PRKD2: variants seen among roughly 807,000 people sequenced by gnomAD.
The protein encoded by PRKD2 is protein kinase D2, also known as serine/threonine-protein kinase D2.
Under a neutral mutation model 86.0 loss-of-function variants are expected in PRKD2, and 22 were observed. The observed-to-expected ratio is 0.26, with a 90% CI of 0.18 to 0.37. PRKD2 has a LOEUF of 0.37. Among genes scored for constraint, PRKD2 ranks in the 10% least tolerant of loss-of-function variants. The pLI is 1.00. For missense variants in PRKD2, 818 were observed against 1,199.2 expected, an observed-to-expected ratio of 0.68 and a Z score of 4.70; for synonymous variants, 509 against 510.9, an observed-to-expected ratio of 1.00 and a Z score of 0.05.
chr19:46,692,081 G>T, intron 10 of PRKD2, 96 bp from the exon 11 acceptor site: 1 of 1,227,264 alleles, frequency 8.1e-7, no homozygotes, highest in Non-Finnish European at 1.2e-6. Flanking sequence ...AGGCCACCCA[G>T]ATTTGAATCC....
intron 14 of PRKD2, among the ~76,000 whole-genome samples, chr19:46,685,037 G>T (rs560261133): frequency 6.6e-5 from 10 of 151,860 alleles, no homozygotes; most frequent in African/African-American, 2.4e-4. Flanking sequence ...GAGGCGGGTG[G>T]ATCACGAGGT....
rs1425413289 is a variant in PRKD2 at position 46,685,231 on chromosome 19, C to A, written c.1972-3483G>T. ...CTGAGACTGTACTATTGCACTCCAG[C>A]CTGGGTGACAGAGTGAGACTTCGTC... On this transcript the variant is annotated intron_variant, in intron 14 of 17. Transcript: ENST00000291281. 2.0e-5 allele frequency among the ~76,000 whole-genome samples: 3 copies of A among 148,614 alleles called. No individual in the cohort carries two copies. The Admixed American group carries it at 2.0e-4, about 10-fold the overall frequency.
At chr19:46,704,925 C>CT (rs1308443381) in intron 3 of PRKD2, among the ~76,000 whole-genome samples, 2 of 150,256 alleles carry the variant, frequency 1.3e-5, no homozygotes, top group African/African-American at 4.9e-5. Flanking sequence ...TTTCTCACTC[C>CT]AACAAGGGAC....
In PRKD2 at chr19:46,694,097, C is replaced by T. The variant is rs536434220; in HGVS notation, c.1354G>A (p.Ala452Thr). Residue 452 changes from alanine to threonine, a missense_variant, in exon 10 of 18, where the codon GCC (alanine) becomes ACC (threonine). This residue lies in a region of PRKD2 where 127 missense variants were observed against 157.8 expected (regional missense o/e 0.80). Transcript: ENST00000291281. ...PLSEILTVES[A>T]QNFSLVPPGT... ...GGCGGCACAAGGCTGAAGTTCTGGG[C>T]GGACTCCACCGTGAGGATTTCTGAC... is the stretch of plus-strand genomic sequence containing the variant. 29 of 1,614,138 alleles carry T rather than the reference C, an allele frequency of 1.8e-5. No homozygotes were observed. The South Asian group carries it at 2.1e-4, about 12-fold the overall frequency.
intron 7 of PRKD2, among the ~76,000 whole-genome samples, chr19:46,699,431 G>A (rs559421852): frequency 6.6e-6 from 1 of 152,338 alleles, no homozygotes; most frequent in Admixed American, 6.5e-5. Context: ...CTGTGTGCTT[G>A]AACACAGCAG....
At position 46,697,718 on chromosome 19, in the gene PRKD2, G is replaced by A; in HGVS notation, c.1239+15C>T. The A allele has an allele frequency of 1.2e-6, 2 of 1,601,698 alleles. No homozygotes were observed. Among genetic ancestry groups the A allele is most frequent in the Non-Finnish European group, 1.7e-6 (2 of 1,170,490 alleles). Reference sequence around the variant, plus strand: ...CCTTCGCTCCGCCGTACCCGGCCCCGCCCCGGCCACTCACCAGCGTGTCCT... The same window carrying A: ...CCTTCGCTCCGCCGTACCCGGCCCCACCCCGGCCACTCACCAGCGTGTCCT... On this transcript the variant is annotated intron_variant, in intron 8 of 17. Coordinates refer to ENST00000291281, the MANE Select transcript of PRKD2 (RefSeq NM_016457.5).
At position 46,693,847 on chromosome 19, in the gene PRKD2, C is replaced by T. The variant is rs2053516218; in HGVS notation, c.1576+28G>A. On this transcript the variant is annotated intron_variant, in intron 10 of 17. Coordinates refer to ENST00000291281, the MANE Select transcript of PRKD2 (RefSeq NM_016457.5). The surrounding 1 kb of genome is among the most constrained non-coding windows in gnomAD (Gnocchi z 4.5). Reference sequence around the variant, plus strand: ...TGCCCCACCCATCTAGATCTATTCTCTCAAGGACCCGAGGTGGGAGGACTT... The same window carrying T: ...TGCCCCACCCATCTAGATCTATTCTTTCAAGGACCCGAGGTGGGAGGACTT... 6.4e-7 allele frequency: 1 copy of T among 1,568,450 alleles called. No homozygotes were observed. Among genetic ancestry groups the T allele is most frequent in the South Asian group, 1.2e-5 (1 of 86,346 alleles).
chr19:46,706,382 G>A (rs1471088416), intron 3 of PRKD2, among the ~76,000 whole-genome samples: 1 of 152,150 alleles, frequency 6.6e-6, no homozygotes, highest in Non-Finnish European at 1.5e-5. Flanking sequence ...CTCATTGTAG[G>A]CACTGTCTTG....
intron 14 of PRKD2, among the ~76,000 whole-genome samples, chr19:46,684,488 A>G (rs1236735411): frequency 2.0e-5 from 3 of 151,832 alleles, no homozygotes; most frequent in Non-Finnish European, 2.9e-5. Context: ...CACCTGGCTA[A>G]TTTTTGTATT....
Position 46,697,840 on chromosome 19 carries a change from A to G in PRKD2, c.1132T>C (p.Tyr378His), listed in dbSNP as rs745430394. ...TGCACCACCCTCATTAGGGGGATGTACCCCAGGGAGCTGCGAAGGAAGAGG... is the reference window on the plus strand; with the variant it reads ...TGCACCACCCTCATTAGGGGGATGTGCCCCAGGGAGCTGCGAAGGAAGAGG... ...EGGKAQSSLG[Y>H]IPLMRVVQSV... Residue 378 changes from tyrosine to histidine, a missense_variant, in exon 8 of 18, where the codon TAC becomes CAC. By Grantham distance (83) the Tyr-to-His change is moderately conservative (BLOSUM62 2). Around this residue, in one of 5 missense-constraint regions of PRKD2, gnomAD observed 403 missense variants for 518.6 expected, o/e 0.78. Coordinates refer to ENST00000291281, the MANE Select transcript of PRKD2 (RefSeq NM_016457.5). 2 of 1,613,316 alleles carry G rather than the reference A, an allele frequency of 1.2e-6. No individual in the cohort carries two copies. Among genetic ancestry groups the G allele is most frequent in the Admixed American group, 3.3e-5 (2 of 59,986 alleles).
intron 3 of PRKD2, among the ~76,000 whole-genome samples, chr19:46,705,317 T>C (rs2053698561): frequency 6.6e-6 from 1 of 152,018 alleles, no homozygotes; most frequent in East Asian, 1.9e-4. Context: ...CCTTCCTTTT[T>C]CTGAGGCCCC....
At position 46,710,947 on chromosome 19, in the gene PRKD2, C is replaced by T. The variant is rs765935100; in HGVS notation, c.471G>A (p.Glu157=). Reference sequence around the variant, plus strand: ...CCTGGCGCACTAGGCCGAAGAGCATCTCCCCGCAGTGATCACAGAAGGCAG... The same window carrying T: ...CCTGGCGCACTAGGCCGAAGAGCATTTCCCCGCAGTGATCACAGAAGGCAG... ...RAPAFCDHCG[E]MLFGLVRQGL... is the part of the protein sequence containing the mutation. The change falls in exon 3 of 18, where the codon GAG becomes GAA. Residue 157 remains glutamate, a synonymous_variant. Transcript: ENST00000291281. 2.5e-5 allele frequency: 40 copies of T among 1,573,282 alleles called. No individual in the cohort carries two copies. Among genetic ancestry groups the T allele is most frequent in the Non-Finnish European group, 3.5e-5 (40 of 1,159,224 alleles).
In PRKD2 at chr19:46,693,577, C is replaced by A. The variant is rs1384098156; in HGVS notation, c.1576+298G>T. Among the ~76,000 whole-genome samples, 1 of 152,162 alleles carries A rather than the reference C, an allele frequency of 6.6e-6. No individual in the cohort carries two copies. The highest frequency in any genetic ancestry group is 2.4e-5 in the African/African-American group (1 of 41,428). Reference sequence around the variant, plus strand: ...TCAGCCTTCCAAGTACCTGGAACTACAGGTGTGCACCACCACACCTGGCTA... The same window carrying A: ...TCAGCCTTCCAAGTACCTGGAACTAAAGGTGTGCACCACCACACCTGGCTA... On this transcript the variant is annotated intron_variant, in intron 10 of 17. Transcript: ENST00000291281. The surrounding 1 kb of genome is among the most constrained non-coding windows in gnomAD (Gnocchi z 4.5).
Position 46,700,746 on chromosome 19 carries a change from T to C in PRKD2, c.1121+53A>G, listed in dbSNP as rs1315353283. ...ATTGTAGAGAAAAAGAAATTGAGGT[T>C]CACTGTGCAGGAGGGTCTTCCCCCA... On this transcript the variant is annotated intron_variant, in intron 7 of 17. Transcript: ENST00000291281. The C allele has an allele frequency of 2.3e-5, 36 of 1,567,474 alleles. No individual in the cohort carries two copies. The South Asian group carries it at 3.8e-4, about 16-fold the overall frequency.
intron 5 of PRKD2, among the ~76,000 whole-genome samples, chr19:46,701,496 G>T (rs959236363): frequency 2.0e-5 from 3 of 151,474 alleles, no homozygotes; most frequent in Non-Finnish European, 2.9e-5. Flanking sequence ...GACTACAGGC[G>T]CCCACTACCA....
intron 11 of PRKD2, 32 bp downstream of exon 11, chr19:46,691,901 G>A: frequency 6.2e-7 from 1 of 1,612,454 alleles, no homozygotes; most frequent in Non-Finnish European, 8.5e-7. Flanking sequence ...TTTGTGGGAG[G>A]GGAGGGCATC....
At chr19:46,691,632 A>T in intron 12 of PRKD2, 103 bp downstream of exon 12, 1 of 1,150,528 alleles carries the variant, frequency 8.7e-7, no homozygotes, top group Non-Finnish European at 1.3e-6. Flanking sequence ...TGAGCATGTG[A>T]CCAATCAGAA....
In PRKD2 at chr19:46,711,055, G is replaced by A. The variant is rs769644256; in HGVS notation, c.380-17C>T. The A allele has an allele frequency of 6.4e-6, 10 of 1,571,992 alleles. No individual in the cohort carries two copies. Among genetic ancestry groups the A allele is most frequent in the Non-Finnish European group, 8.6e-6 (10 of 1,157,066 alleles). ...TGGCCGAGGCTGTAGGCGGAAAATA[G>A]GGGTGGATGCTTGAGGCGGGGTAGG... On this transcript the variant is annotated splice_polypyrimidine_tract_variant and intron_variant, in intron 2 of 17. Transcript: ENST00000291281.
At chr19:46,701,155 G>C in intron 5 of PRKD2, 43 bp from the exon 6 acceptor site, 1 of 1,588,514 alleles carries the variant, frequency 6.3e-7, no homozygotes, top group South Asian at 1.1e-5. Flanking sequence ...AAGGGGAAGA[G>C]AGGTTACCTG....
Sources: gnomAD v4.1 joint callset for allele counts (sites outside exome capture counted in the v4.1 genomes callset) on GRCh38, gnomAD v4.1.1 for gene constraint, gnomAD v4.1.1 regional missense constraint, Gnocchi (gnomAD v3.1) non-coding constraint, MANE v1.5 for transcripts, NCBI Gene and HGNC (gene_info 2026-07-23, HGNC 2026-07-21) for gene names.